The following PTK2 variants were observed in gnomAD, a reference collection of about 807,000 sequenced individuals.
PTK2 encodes the protein protein tyrosine kinase 2.
PTK2 carries 45 observed loss-of-function variants against 150.1 expected under a neutral mutation model. The ratio of observed to expected loss-of-function variants is 0.30; its 90% confidence interval spans 0.24 to 0.38. PTK2 has a LOEUF of 0.38. PTK2 is among the 10% of genes least tolerant of loss of function. The probability of loss-of-function intolerance (pLI) is 1.00; values close to 1 mark genes in which losing one functional copy is unlikely to be tolerated. For missense variants in PTK2, 919 were observed against 1,307.3 expected, an observed-to-expected ratio of 0.70 and a Z score of 4.58; for synonymous variants, 432 against 449.2, an observed-to-expected ratio of 0.96 and a Z score of 0.48.
intron 16 of PTK2, among the ~76,000 whole-genome samples, chr8:140,758,347 C>T (rs2100067120): frequency 6.6e-6 from 1 of 152,194 alleles, no homozygotes; most frequent in African/African-American, 2.4e-5. Flanking sequence ...CCTCAGTCTC[C>T]AAAGTGCTGA....
chr8:140,716,460 C>A (rs1408930064), intron 23 of PTK2, among the ~76,000 whole-genome samples: 1 of 152,138 alleles, frequency 6.6e-6, no homozygotes, highest in Non-Finnish European at 1.5e-5. Flanking sequence ...ATGTAACATC[C>A]ATCAGACAGG....
intron 3 of PTK2, among the ~76,000 whole-genome samples, chr8:140,880,312 C>T (rs993327448): frequency 1.3e-5 from 2 of 152,178 alleles, no homozygotes; most frequent in African/African-American, 4.8e-5. Context: ...ATGAGGTCAT[C>T]AGGGAATGTT....
At chr8:140,794,969 A>C (rs1158428200) in intron 12 of PTK2, among the ~76,000 whole-genome samples, 1 of 152,060 alleles carries the variant, frequency 6.6e-6, no homozygotes, top group Non-Finnish European at 1.5e-5. Flanking sequence ...CATACTTCCC[A>C]TTGTTCAGGT....
At chr8:140,693,772 C>G (rs2100024685) in intron 26 of PTK2, among the ~76,000 whole-genome samples, 1 of 151,920 alleles carries the variant, frequency 6.6e-6, no homozygotes, top group African/African-American at 2.4e-5. Context: ...AGAGATGTGA[C>G]TAGCAGTAGC....
chr8:140,854,995 T>A, intron 5 of PTK2, among the ~76,000 whole-genome samples: 1 of 152,166 alleles, frequency 6.6e-6, no homozygotes, highest in East Asian at 1.9e-4. Flanking sequence ...GTATAAAATA[T>A]ATGTATTTTT....
intron 10 of PTK2, among the ~76,000 whole-genome samples, chr8:140,816,034 G>T (rs563063420): frequency 2.6e-5 from 4 of 152,072 alleles, no homozygotes; most frequent in Non-Finnish European, 5.9e-5. Context: ...GGAAAAAATT[G>T]TATGTGGGGA....
chr8:140,817,505 T>C (rs1195913257), intron 10 of PTK2, among the ~76,000 whole-genome samples: 1 of 152,226 alleles, frequency 6.6e-6, no homozygotes, highest in Non-Finnish European at 1.5e-5. Context: ...CCTAGAATCA[T>C]GTTCCCTGAA....
chr8:140,683,275 A>G (rs2100018060), intron 27 of PTK2, among the ~76,000 whole-genome samples: 1 of 152,198 alleles, frequency 6.6e-6, no homozygotes, highest in African/African-American at 2.4e-5. Flanking sequence ...ATTCCTGGAC[A>G]CATACACATT....
chr8:140,659,519 C>T, exon 32 of PTK2: 4 of 1,613,606 alleles, frequency 2.5e-6, no homozygotes, highest in Non-Finnish European at 3.4e-6. Flanking sequence ...TCAATGACAT[C>T]GAGTAAGTTT....
chr8:140,742,966 T>C (rs1012075969), intron 20 of PTK2, among the ~76,000 whole-genome samples: 8 of 152,244 alleles, frequency 5.3e-5, no homozygotes, highest in African/African-American at 1.9e-4. Flanking sequence ...CGTGTTTTTT[T>C]CTAAAAATTT....
chr8:140,890,915 A>C (rs2100154022), intron 2 of PTK2, 146 bp from the exon 3 acceptor site: 2 of 659,012 alleles, frequency 3.0e-6, no homozygotes. Flanking sequence ...GACCTAATCC[A>C]CTAAAATAAT....
intron 10 of PTK2, among the ~76,000 whole-genome samples, chr8:140,810,085 G>A (rs1271067703): frequency 6.6e-6 from 1 of 152,170 alleles, no homozygotes; most frequent in Non-Finnish European, 1.5e-5. Context: ...CAATTACCCT[G>A]GGGGAATGGG....
chr8:140,737,551 T>A (rs1035119665), intron 21 of PTK2, among the ~76,000 whole-genome samples: 1 of 152,238 alleles, frequency 6.6e-6, no homozygotes, highest in African/African-American at 2.4e-5. Flanking sequence ...AAAACTAAAG[T>A]ATGATACAAT....
At chr8:140,742,662 G>A (rs181874990) in intron 20 of PTK2, among the ~76,000 whole-genome samples, 3 of 152,124 alleles carry the variant, frequency 2.0e-5, no homozygotes, top group Non-Finnish European at 4.4e-5. Flanking sequence ...CCTCTTCAAT[G>A]AAATGTCTCT....
At chr8:140,830,950 C>A (rs1283911786) in intron 7 of PTK2, among the ~76,000 whole-genome samples, 1 of 152,016 alleles carries the variant, frequency 6.6e-6, no homozygotes, top group Non-Finnish European at 1.5e-5. Context: ...TCAGGATATA[C>A]CCGAGAAGTT....
chr8:140,960,427 C>T (rs1204015052), intron 1 of PTK2, among the ~76,000 whole-genome samples: 1 of 151,938 alleles, frequency 6.6e-6, no homozygotes, highest in Non-Finnish European at 1.5e-5. Context: ...CCAGGCTGGT[C>T]TCAAATTCCT....
intron 1 of PTK2, among the ~76,000 whole-genome samples, chr8:140,983,662 GGAAGGAAGGAAGGAA>G (rs1232205057): frequency 3.4e-5 from 5 of 148,684 alleles, no homozygotes; most frequent in African/African-American, 7.4e-5. Context: ...GGGAAGTGAA[GGAAGGAAGGAAGGAA>G]GAAGGAAGGA....
rs941411586 is a variant in PTK2, at chr8:140,668,522, G to A, written c.2710-98C>T. Reference sequence around the variant, plus strand: ...AGGGTCTTTACAAGAGATCAAAGCAGATTGCAGAAGGTCATTGATTTTCTT... The same window carrying A: ...AGGGTCTTTACAAGAGATCAAAGCAAATTGCAGAAGGTCATTGATTTTCTT... On this transcript the variant is annotated intron_variant, in intron 29 of 31. Coordinates refer to ENST00000522684, the Ensembl canonical transcript of PTK2. 8 of 1,339,592 alleles carry A rather than the reference G, an allele frequency of 6.0e-6. No individual in the cohort carries two copies. The African/African-American group carries it at 1.2e-4, about 20-fold the overall frequency. 83.0% of individuals were successfully genotyped at this position (1,339,592 alleles called of 1,614,324 possible).
At chr8:140,846,344 A>G (rs1221142033) in intron 6 of PTK2, 22 bp from the exon 7 acceptor site, 3 of 1,601,016 alleles carry the variant, frequency 1.9e-6, no homozygotes, top group Admixed American at 1.7e-5. Flanking sequence ...GAAGACATAC[A>G]TTTATATGTA....
Sources: gnomAD v4.1 joint callset for allele counts (sites outside exome capture counted in the v4.1 genomes callset) on GRCh38, gnomAD v4.1.1 for gene constraint, MANE v1.5 for transcripts, NCBI Gene and HGNC (gene_info 2026-07-23, HGNC 2026-07-21) for gene names.